SELP: variants seen among roughly 807,000 people sequenced by gnomAD.
SELP encodes selectin P, also known as P-selectin.
SELP carries 92 observed loss-of-function variants against 104.1 expected under a neutral mutation model. The observed-to-expected ratio is 0.88, with a 90% CI of 0.75 to 1.05. The LOEUF is 1.05. Ranked by LOEUF, SELP falls within the 50% of genes least tolerant of loss-of-function variation. The probability of loss-of-function intolerance (pLI) is 0.00; values close to 1 mark genes in which losing one functional copy is unlikely to be tolerated. For synonymous variants in SELP, 397 were observed against 364.5 expected, an observed-to-expected ratio of 1.09 and a Z score of -1.01; for missense variants, 1,022 against 1,017.3, an observed-to-expected ratio of 1.00 and a Z score of -0.06.
At chr1:169,609,392 A>T in intron 8 of SELP, 112 bp downstream of exon 8, 2 of 1,061,418 alleles carry the variant, frequency 1.9e-6, no homozygotes, top group African/African-American at 1.6e-5. Context: ...CATGGCCCAT[A>T]GTAGGTTCTC....
Position 169,626,399 on chromosome 1 carries a change from T to C in SELP, c.3+3673A>G, listed in dbSNP as rs1450274921. ...AAGTTCAAGACCAGCCTTGCCAACA[T>C]GGCGAAACCAACTCCACTAAAAAAT... On this transcript the variant is annotated intron_variant, in intron 1 of 16. Coordinates refer to ENST00000263686, the MANE Select transcript of SELP (RefSeq NM_003005.4). 2.6e-5 allele frequency among the ~76,000 whole-genome samples: 4 copies of C among 152,308 alleles called. No homozygotes were observed. The East Asian group carries it at 7.7e-4, about 29-fold the overall frequency.
Position 169,617,403 on chromosome 1 carries a change from G to T in SELP, c.106C>A (p.Gln36Lys). 1 of 1,613,782 alleles carries T rather than the reference G, an allele frequency of 6.2e-7. No individual in the cohort carries two copies. Among genetic ancestry groups the T allele is most frequent in the Non-Finnish European group, 8.5e-7 (1 of 1,179,802 alleles). The change falls in exon 3 of 17, where the codon CAG (glutamine) becomes AAG (lysine). Residue 36 changes from glutamine (Q) to lysine (K), a missense_variant. By Grantham distance (53) the Gln-to-Lys change is moderately conservative. Transcript: ENST00000263686. ...FSALISELTNQKEVAAWTYHY... is the reference protein window; with the variant it reads ...FSALISELTNKKEVAAWTYHY... ...TAAGTCCATGCTGCCACTTCTTTCT[G>T]GTTTGTTAGTTCTAGAGTAAAGGAG...
chr1:169,592,685 C>T (rs1661408832), intron 14 of SELP, among the ~76,000 whole-genome samples: 1 of 152,114 alleles, frequency 6.6e-6, no homozygotes, highest in Admixed American at 6.5e-5. Context: ...ACACAGTTTC[C>T]CTTACAGAGA....
In SELP at chr1:169,603,307, C is replaced by CTGTGTGTGTGTG. The variant is rs3035296; in HGVS notation, c.1520-108_1520-97dup. On this transcript the variant is annotated intron_variant, in intron 9 of 16. Coordinates refer to ENST00000263686, the MANE Select transcript of SELP (RefSeq NM_003005.4). ...TCTCTCTCTTTCTCCCTCTCTCTCT[C>CTGTGTGTGTGTG]TGTGTGTGTGTGTGTGTGTGTGTGT... The CTGTGTGTGTGTG allele has an allele frequency of 3.2e-3, 1,941 of 605,314 alleles. 20 individuals are homozygous for CTGTGTGTGTGTG. The highest frequency in any genetic ancestry group is 0.029 in the African/African-American group (1,311 of 45,648). The allele number at this position is 605,314 out of a possible 1,614,324, so 37.5% of individuals were successfully genotyped here. A position where few individuals can be genotyped will look rare whatever the true frequency, so the allele number is the denominator to read the frequency against.
intron 1 of SELP, among the ~76,000 whole-genome samples, chr1:169,626,390 T>A (rs1663375288): frequency 6.6e-6 from 1 of 152,220 alleles, no homozygotes; most frequent in South Asian, 2.1e-4. Flanking sequence ...AAGACCAGCC[T>A]TGCCAACATG....
At chr1:169,602,365 T>C (rs1432760374) in intron 10 of SELP, among the ~76,000 whole-genome samples, 1 of 152,106 alleles carries the variant, frequency 6.6e-6, no homozygotes, top group Non-Finnish European at 1.5e-5. Flanking sequence ...TAATGCTCAG[T>C]TGAAGGTGAA....
intron 10 of SELP, among the ~76,000 whole-genome samples, chr1:169,598,278 T>A (rs2298903): frequency 0.25 from 37,408 of 152,164 alleles, 5,275 homozygotes; most frequent in South Asian, 0.36. Context: ...GAAGTGACTA[T>A]TCTTTCTTTA....
chr1:169,624,761 C>G (rs1464999280), intron 1 of SELP, among the ~76,000 whole-genome samples: 1 of 151,760 alleles, frequency 6.6e-6, no homozygotes, highest in Admixed American at 6.6e-5. Flanking sequence ...AACAAACAAG[C>G]AAAAAAACTA....
At chr1:169,625,370 TC>T in intron 1 of SELP, among the ~76,000 whole-genome samples, 1 of 152,298 alleles carries the variant, frequency 6.6e-6, no homozygotes, top group South Asian at 2.1e-4. Flanking sequence ...TTCTCTAGGT[TC>T]CCACCTCCAT....
chr1:169,606,967 C>G lies in SELP; in HGVS notation c.1501G>C (p.Val501Leu). The G allele has an allele frequency of 6.2e-7, 1 of 1,613,082 alleles. No individual in the cohort carries two copies. Among genetic ancestry groups the G allele is most frequent in the Non-Finnish European group, 8.5e-7 (1 of 1,179,554 alleles). ...CTCTTACCTTGGCATTCTGGAGGAA[C>G]AGAATTCCAGTTTCCAGTAGCCAAG... Reference protein sequence around the residue: ...QCLATGNWNSVPPECQAIPCT... With the variant: ...QCLATGNWNSLPPECQAIPCT... The change falls in exon 9 of 17, where the codon GTT becomes CTT. Residue 501 changes from valine (V) to leucine (L), a missense_variant. Val to Leu is a conservative substitution (Grantham distance 32, BLOSUM62 1). Transcript: ENST00000263686.
At chr1:169,609,990 G>T (rs189423200) in intron 7 of SELP, among the ~76,000 whole-genome samples, 1 of 151,964 alleles carries the variant, frequency 6.6e-6, no homozygotes, top group Non-Finnish European at 1.5e-5. Context: ...CTGTTCTTGC[G>T]CTGTTCATAC....
At chr1:169,595,851 C>T in intron 12 of SELP, 74 bp downstream of exon 12, 1 of 1,375,096 alleles carries the variant, frequency 7.3e-7, no homozygotes, top group South Asian at 1.2e-5. Flanking sequence ...GAGACTTCAA[C>T]ATACAGGCAC....
In SELP at chr1:169,593,613, C is replaced by T; in HGVS notation, c.2399G>A (p.Arg800Lys). ...GACTCTTTCCTATTTACCTTTTTGT[C>T]TGAAACGCTTTCTTAGCAAAGCCAG... Reference protein sequence around the residue: ...TLLALLRKRFRQKDDGKCPLN... With the variant: ...TLLALLRKRFKQKDDGKCPLN... The change falls in exon 14 of 17, where the codon AGA (arginine) becomes AAA (lysine). Residue 800 changes from arginine to lysine, a missense_variant. By Grantham distance (26) the Arg-to-Lys change is conservative. Coordinates refer to ENST00000263686, the MANE Select transcript of SELP (RefSeq NM_003005.4). 6.2e-7 allele frequency: 1 copy of T among 1,612,568 alleles called. No homozygotes were observed. The highest frequency in any genetic ancestry group is 8.5e-7 in the Non-Finnish European group (1 of 1,179,172).
intron 16 of SELP, among the ~76,000 whole-genome samples, chr1:169,589,828 G>T (rs933236134): frequency 6.6e-6 from 1 of 152,192 alleles, no homozygotes; most frequent in African/African-American, 2.4e-5. Flanking sequence ...TTTTTCAGCA[G>T]TCCTGACTTC....
intron 8 of SELP, 85 bp from the exon 9 acceptor site, chr1:169,607,219 A>G: frequency 1.8e-6 from 2 of 1,134,778 alleles, no homozygotes; most frequent in Non-Finnish European, 2.4e-6. Context: ...TCTAGTGTCA[A>G]GAACAGGGAT....
intron 14 of SELP, among the ~76,000 whole-genome samples, chr1:169,592,474 GTC>G (rs1047520970): frequency 5.0e-4 from 76 of 152,106 alleles, no homozygotes; most frequent in African/African-American, 1.8e-3. Flanking sequence ...GCAATTAATG[GTC>G]TCTCTGATGC....
chr1:169,624,798 G>A (rs1461549498), intron 1 of SELP, among the ~76,000 whole-genome samples: 1 of 152,118 alleles, frequency 6.6e-6, no homozygotes, highest in Non-Finnish European at 1.5e-5. Context: ...GAAGAGAAAA[G>A]CAGAGAGAAA....
intron 1 of SELP, among the ~76,000 whole-genome samples, chr1:169,627,601 AT>A (rs1663434708): frequency 1.3e-5 from 2 of 152,200 alleles, no homozygotes; most frequent in South Asian, 4.1e-4. Flanking sequence ...AATGTCATTT[AT>A]AAAACCACTG....
chr1:169,593,474 C>A (rs1355022801), intron 14 of SELP, 131 bp downstream of exon 14: 5 of 691,564 alleles, frequency 7.2e-6, no homozygotes, highest in Non-Finnish European at 1.2e-5. Flanking sequence ...GCTTTATTTT[C>A]TTTTAATGCA....
Sources: allele counts gnomAD v4.1 joint callset (sites outside exome capture counted in the v4.1 genomes callset), GRCh38; gene constraint gnomAD v4.1.1; transcripts MANE v1.5; gene names NCBI Gene and HGNC (gene_info 2026-07-23, HGNC 2026-07-21).